The following RNF121 variants were observed in gnomAD, a reference collection of about 807,000 sequenced individuals.
RNF121 encodes the protein E3 ubiquitin ligase RNF121.
RNF121 carries 21 observed loss-of-function variants against 46.5 expected under a neutral mutation model. That is an observed-to-expected ratio of 0.45 (90% CI 0.32 to 0.65). The LOEUF is 0.65. RNF121 is among the 30% of genes least tolerant of loss of function. The pLI, the probability that RNF121 is intolerant of heterozygous loss-of-function variation, is 0.04. For synonymous variants in RNF121, 139 were observed against 144.7 expected (o/e 0.96, Z 0.28); for missense variants, 346 against 416.0 (o/e 0.83, Z 1.46).
chr11:71,970,610 T>C (rs1670887386), intron 3 of RNF121, among the ~76,000 whole-genome samples: 1 of 152,030 alleles, frequency 6.6e-6, no homozygotes, highest in African/African-American at 2.4e-5. Context: ...TTCAGTAAAC[T>C]ATGATCACGT....
Position 71,946,118 on chromosome 11 carries a change from AAAAG to A in RNF121, c.64-11105_64-11102del, listed in dbSNP as rs1228038455. 1.5e-3 allele frequency among the ~76,000 whole-genome samples: 211 copies of A among 143,524 alleles called. 3 individuals are homozygous for A. Among genetic ancestry groups the A allele is most frequent in the East Asian group, 0.013 (67 of 5,142 alleles). The allele number at this position is 143,524 out of a possible 152,430, so 94.2% of individuals were successfully genotyped here. A position where few individuals can be genotyped will look rare whatever the true frequency, so the allele number is the denominator to read the frequency against. The stretch of plus-strand genomic sequence containing the variant: ...AGAGTAAGACTCTGCCTTAAAAAAG[AAAAG>A]AAAAGAAAAGAAAAGAAAAATCCGC... On this transcript the variant is annotated intron_variant, in intron 1 of 8. Coordinates refer to ENST00000361756, the MANE Select transcript of RNF121 (RefSeq NM_018320.5).
chr11:71,984,950 C>T (rs181955031), intron 4 of RNF121, among the ~76,000 whole-genome samples: 1 of 151,584 alleles, frequency 6.6e-6, no homozygotes, highest in Non-Finnish European at 1.5e-5. Context: ...GAGATGAGGT[C>T]GCACTCTGTC....
chr11:71,957,788 T>C (rs1954026500), intron 2 of RNF121, among the ~76,000 whole-genome samples: 1 of 152,158 alleles, frequency 6.6e-6, no homozygotes, highest in African/African-American at 2.4e-5. Flanking sequence ...CTAACTTGTT[T>C]TGTAAATAGA....
At chr11:71,978,255 C>T in intron 3 of RNF121, 1 of 442,426 alleles carries the variant, frequency 2.3e-6, no homozygotes, top group Middle Eastern at 3.3e-4. Flanking sequence ...CCTTTTATCA[C>T]ATGGTAGACT....
Position 71,929,130 on chromosome 11 carries a change from C to A in RNF121, c.63+6C>A. 2 of 1,550,458 alleles carry A rather than the reference C, an allele frequency of 1.3e-6. No homozygotes were observed. The highest frequency in any genetic ancestry group is 8.7e-7 in the Non-Finnish European group (1 of 1,146,576). ...GGGAACGGGAGCTGGATGAGGTAAG[C>A]GGAGTTGAGAGACGAGGAGAGACTC... On this transcript the variant is annotated splice_donor_region_variant and intron_variant, in intron 1 of 8. Coordinates refer to ENST00000361756, the MANE Select transcript of RNF121 (RefSeq NM_018320.5).
At chr11:71,975,962 A>G (rs1954517968) in intron 3 of RNF121, among the ~76,000 whole-genome samples, 1 of 152,210 alleles carries the variant, frequency 6.6e-6, no homozygotes, top group Admixed American at 6.5e-5. Context: ...TAGGTGTGAT[A>G]GGAGGGAAAC....
In RNF121 at chr11:71,978,144, A is replaced by G. The variant is rs546538214; in HGVS notation, c.244-4617A>G. Reference sequence around the variant, plus strand: ...TCAAGCTCCTGGGCTCAAGCGATCCATCTGCCTCAGCCCCCCAATGTGCTC... The same window carrying G: ...TCAAGCTCCTGGGCTCAAGCGATCCGTCTGCCTCAGCCCCCCAATGTGCTC... On this transcript the variant is annotated intron_variant, in intron 3 of 8. Transcript: ENST00000361756. The G allele has an allele frequency of 2.6e-3, 1,189 of 449,962 alleles. 3 individuals carry two copies. Among genetic ancestry groups the G allele is most frequent in the South Asian group, 4.0e-3 (260 of 64,210 alleles). The allele number at this position is 449,962 out of a possible 1,614,324, so 27.9% of individuals were successfully genotyped here.
At chr11:71,965,214 G>T (rs1954246680) in intron 3 of RNF121, among the ~76,000 whole-genome samples, 1 of 151,202 alleles carries the variant, frequency 6.6e-6, no homozygotes, top group Non-Finnish European at 1.5e-5. Flanking sequence ...TATCCATATT[G>T]GTGGGTATAT....
chr11:71,953,190 C>G (rs548286721), intron 1 of RNF121, among the ~76,000 whole-genome samples: 1 of 152,176 alleles, frequency 6.6e-6, no homozygotes, highest in East Asian at 1.9e-4. Flanking sequence ...CATGCCACCA[C>G]GCCTGGCTAA....
At chr11:71,987,394 C>T (rs1954791718) in intron 5 of RNF121, among the ~76,000 whole-genome samples, 1 of 152,200 alleles carries the variant, frequency 6.6e-6, no homozygotes, top group Non-Finnish European at 1.5e-5. Flanking sequence ...TAATAATTAT[C>T]ATAACCTGCT....
chr11:71,996,164 A>C, intron 8 of RNF121, 31 bp from the exon 9 acceptor site: 1 of 1,613,190 alleles, frequency 6.2e-7, no homozygotes, highest in South Asian at 1.1e-5. Flanking sequence ...CAGCTCTTGC[A>C]CAGAGTCTCT....
chr11:71,966,467 T>C lies in RNF121; in HGVS notation c.243+5576T>C, dbSNP rs115561667. Among the ~76,000 whole-genome samples, 482 of 152,242 alleles carry C rather than the reference T, an allele frequency of 3.2e-3. 3 individuals are homozygous for C. Among genetic ancestry groups the C allele is most frequent in the African/African-American group, 0.011 (453 of 41,546 alleles). On this transcript the variant is annotated intron_variant, in intron 3 of 8. Coordinates refer to ENST00000361756, the MANE Select transcript of RNF121 (RefSeq NM_018320.5). ...TGGCAACTACTTTTATTAATAACTT[T>C]TTTAGTTCATTTCTGATACTTTTTT... is the stretch of plus-strand genomic sequence containing the variant.
intron 1 of RNF121, among the ~76,000 whole-genome samples, chr11:71,931,274 A>G (rs1953272070): frequency 6.6e-6 from 1 of 152,250 alleles, no homozygotes; most frequent in Admixed American, 6.5e-5. Flanking sequence ...ATATGAAACC[A>G]CTAGCATTCA....
At chr11:71,986,595 G>A (rs1189448505) in intron 4 of RNF121, among the ~76,000 whole-genome samples, 4 of 151,808 alleles carry the variant, frequency 2.6e-5, no homozygotes, top group Non-Finnish European at 4.4e-5. Flanking sequence ...GTGAAACCCC[G>A]TCTCTACTAA....
chr11:71,943,920 T>C (rs915939873), intron 1 of RNF121, among the ~76,000 whole-genome samples: 1 of 152,096 alleles, frequency 6.6e-6, no homozygotes, highest in Non-Finnish European at 1.5e-5. Context: ...TGGGGAGTAA[T>C]GATAAAATAG....
intron 1 of RNF121, among the ~76,000 whole-genome samples, chr11:71,950,223 A>G (rs1180620184): frequency 6.6e-6 from 1 of 152,140 alleles, no homozygotes; most frequent in Admixed American, 6.5e-5. Context: ...ACTTGAAGCC[A>G]GGGTGGGAGG....
intron 3 of RNF121, among the ~76,000 whole-genome samples, chr11:71,980,125 A>G (rs1367721487): frequency 6.6e-6 from 1 of 152,120 alleles, no homozygotes; most frequent in Non-Finnish European, 1.5e-5. Context: ...TGGTGCTTCC[A>G]CACTTTTTAT....
chr11:71,995,924 A>G (rs894899006), intron 8 of RNF121, among the ~76,000 whole-genome samples: 1 of 152,182 alleles, frequency 6.6e-6, no homozygotes, highest in African/African-American at 2.4e-5. Context: ...CCCTGCCTCC[A>G]GTACCAGTCC....
intron 3 of RNF121, among the ~76,000 whole-genome samples, chr11:71,969,874 C>T (rs10751191): frequency 0.92 from 140,180 of 152,232 alleles, 64,843 homozygotes; most frequent in Non-Finnish European, 0.98. Flanking sequence ...GCCAAAACCA[C>T]ATTTTAAAAA....
Sources: gnomAD v4.1 joint callset for allele counts (sites outside exome capture counted in the v4.1 genomes callset) on GRCh38, gnomAD v4.1.1 for gene constraint, MANE v1.5 for transcripts, NCBI Gene and HGNC (gene_info 2026-07-23, HGNC 2026-07-21) for gene names.